The following EPB41L1 variants were observed in gnomAD, a reference collection of about 807,000 sequenced individuals.
EPB41L1 encodes the protein erythrocyte membrane protein band 4.1 like 1.
A neutral mutation model predicts 97.8 loss-of-function variants in EPB41L1; 29 were observed. The observed-to-expected ratio is 0.30, with a 90% CI of 0.22 to 0.40. The LOEUF (loss-of-function observed/expected upper bound fraction) is 0.40. Ranked by LOEUF, EPB41L1 falls within the 10% of genes least tolerant of loss-of-function variation. The probability of loss-of-function intolerance (pLI) is 1.00; values close to 1 mark genes in which losing one functional copy is unlikely to be tolerated. For missense variants in EPB41L1, 812 were observed against 1,162.3 expected (o/e 0.70, Z 4.38); for synonymous variants, 383 against 459.2 (o/e 0.83, Z 2.12).
chr20:36,122,029 C>A (rs768710058), intron 2 of EPB41L1, among the ~76,000 whole-genome samples: 1 of 152,212 alleles, frequency 6.6e-6, no homozygotes, highest in Non-Finnish European at 1.5e-5. Context: ...ATCTACTGAT[C>A]CCTGCCTGGT....
At chr20:36,193,549 G>A (rs769460967) in intron 11 of EPB41L1, among the ~76,000 whole-genome samples, 5 of 152,234 alleles carry the variant, frequency 3.3e-5, no homozygotes, top group Admixed American at 6.5e-5. Flanking sequence ...GTGATGCGAA[G>A]TCTAGTTCCA....
At chr20:36,177,917 C>T (rs1416706680) in intron 3 of EPB41L1, 35 bp from the exon 4 acceptor site, 1 of 1,566,888 alleles carries the variant, frequency 6.4e-7, no homozygotes, top group South Asian at 1.1e-5. Flanking sequence ...CCGGGGTGTG[C>T]TTCAGCCTCA....
chr20:36,192,930 TTGTC>T (rs772774928), intron 11 of EPB41L1, among the ~76,000 whole-genome samples: 17 of 152,286 alleles, frequency 1.1e-4, no homozygotes, highest in Admixed American at 2.0e-4. Flanking sequence ...GTCTGATACT[TTGTC>T]TGGTATATGA....
chr20:36,158,894 G>GCTCTA (rs1348973326), intron 1 of EPB41L1, among the ~76,000 whole-genome samples: 2 of 152,182 alleles, frequency 1.3e-5, no homozygotes, highest in Admixed American at 1.3e-4. Flanking sequence ...GAGCCGGGAT[G>GCTCTA]CTCTAGGAAT....
intron 1 of EPB41L1, among the ~76,000 whole-genome samples, chr20:36,111,404 G>C (rs2058396381): frequency 6.6e-6 from 1 of 152,194 alleles, no homozygotes. Context: ...TACTAAGCCT[G>C]ACCTGTGGTT....
intron 1 of EPB41L1, among the ~76,000 whole-genome samples, chr20:36,161,221 A>G (rs572122124): frequency 2.0e-5 from 3 of 152,192 alleles, no homozygotes; most frequent in Non-Finnish European, 4.4e-5. Flanking sequence ...GAAATTTTCA[A>G]ATTCTCTTAG....
chr20:36,147,753 T>C (rs2059896630), intron 2 of EPB41L1, among the ~76,000 whole-genome samples: 1 of 152,232 alleles, frequency 6.6e-6, no homozygotes, highest in African/African-American at 2.4e-5. Flanking sequence ...GCTTTTCTCC[T>C]GTTGCCTCTC....
chr20:36,209,493 A>G lies in EPB41L1; in HGVS notation c.1674A>G (p.Ala558=). The change falls in exon 15 of 22, where the codon GCA becomes GCG. Residue 558 remains alanine (A), a synonymous_variant. Transcript: ENST00000338074. The surrounding 1 kb of genome is among the most constrained non-coding windows in gnomAD (Gnocchi z 4.2). ...KGTPEKANER[A]GLREGSEEKV... is the part of the protein sequence containing the mutation. ...TTGATTTTATCTGGCCATAGAGAGC[A>G]GGGCTGAGGGAGGGCTCCGAGGAGA... 1 of 1,613,762 alleles carries G rather than the reference A, an allele frequency of 6.2e-7. No individual in the cohort carries two copies. Among genetic ancestry groups the G allele is most frequent in the Non-Finnish European group, 8.5e-7 (1 of 1,179,916 alleles).
In EPB41L1 at chr20:36,173,766, G is replaced by A. The variant is rs1229945940; in HGVS notation, c.-12G>A. ...TGATCTCCTTCATGCCAATGCAGGC[G>A]TGCTGGTCACCATGACAACAGAGAC... On this transcript the variant is annotated splice_region_variant and 5_prime_UTR_variant, in exon 2 of 22. It adds an upstream start codon to the 5' untranslated region. Transcript: ENST00000338074. 4.0e-5 allele frequency: 65 copies of A among 1,613,890 alleles called. No homozygotes were observed. Among genetic ancestry groups the A allele is most frequent in the Non-Finnish European group, 4.8e-5 (57 of 1,179,938 alleles).
At chr20:36,182,506 G>A (rs1348693722) in intron 6 of EPB41L1, among the ~76,000 whole-genome samples, 159 bp downstream of exon 6, 1 of 152,224 alleles carries the variant, frequency 6.6e-6, no homozygotes. Flanking sequence ...CCGACTCATT[G>A]TAAGAAACAC....
intron 5 of EPB41L1, 63 bp downstream of exon 5, chr20:36,178,735 C>T: frequency 1.3e-6 from 2 of 1,514,782 alleles, no homozygotes; most frequent in East Asian, 2.2e-5. Context: ...ATGAGAGCCC[C>T]CCTTGTACTG....
intron 7 of EPB41L1, 53 bp from the exon 8 acceptor site, chr20:36,187,623 G>A: frequency 6.8e-7 from 1 of 1,479,680 alleles, no homozygotes; most frequent in Non-Finnish European, 9.4e-7. Context: ...TGGACAGCAG[G>A]ACTAAACCTG....
chr20:36,145,998 G>A (rs1435903690), intron 2 of EPB41L1, among the ~76,000 whole-genome samples: 4 of 152,072 alleles, frequency 2.6e-5, no homozygotes, highest in African/African-American at 9.7e-5. Flanking sequence ...AGTCTACATT[G>A]TCCTTCTGCC....
intron 14 of EPB41L1, chr20:36,205,756 T>C: frequency 8.6e-7 from 1 of 1,169,062 alleles, no homozygotes; most frequent in East Asian, 5.8e-5. Flanking sequence ...ATTTCAGTGG[T>C]AGATTGGTCC....
intron 14 of EPB41L1, chr20:36,208,436 GA>G (rs1401959947): frequency 2.7e-6 from 1 of 371,100 alleles, no homozygotes; most frequent in Non-Finnish European, 5.4e-6. Flanking sequence ...GTGCCCTGAT[GA>G]CCCAGTCACC....
At chr20:36,102,328 CACA>C (rs1230032116) in intron 1 of EPB41L1, among the ~76,000 whole-genome samples, 1 of 152,154 alleles carries the variant, frequency 6.6e-6, no homozygotes, top group Non-Finnish European at 1.5e-5. Flanking sequence ...GTCTTGGAGT[CACA>C]ACCCATACAA....
intron 1 of EPB41L1, among the ~76,000 whole-genome samples, chr20:36,159,589 G>A (rs998005736): frequency 6.6e-6 from 1 of 152,172 alleles, no homozygotes; most frequent in Non-Finnish European, 1.5e-5. Context: ...TTGTTTCGTC[G>A]CAGCATGTTG....
intron 11 of EPB41L1, among the ~76,000 whole-genome samples, chr20:36,193,632 C>A (rs551691443): frequency 6.6e-6 from 1 of 152,286 alleles, no homozygotes; most frequent in East Asian, 1.9e-4. Context: ...CAGGCATCTC[C>A]CTGAATTCTC....
At chr20:36,211,856 G>GA (rs1265819325) in intron 15 of EPB41L1, among the ~76,000 whole-genome samples, 3 of 151,822 alleles carry the variant, frequency 2.0e-5, no homozygotes, top group Non-Finnish European at 4.4e-5. Context: ...TCTGTCTCAA[G>GA]AAAAAAAATA....
Sources: gnomAD v4.1 joint callset for allele counts (sites outside exome capture counted in the v4.1 genomes callset) on GRCh38, gnomAD v4.1.1 for gene constraint, Gnocchi (gnomAD v3.1) non-coding constraint, MANE v1.5 for transcripts, NCBI Gene and HGNC (gene_info 2026-07-23, HGNC 2026-07-21) for gene names.